Variants in TUSC3 observed in about 807,000 individuals in gnomAD.
TUSC3 encodes tumor suppressor candidate 3, also known as dolichyl-diphosphooligosaccharide--protein glycosyltransferase subunit TUSC3.
TUSC3 carries 45 observed loss-of-function variants against 44.8 expected under a neutral mutation model. That is an observed-to-expected ratio of 1.00 (90% CI 0.79 to 1.29). TUSC3 has a LOEUF of 1.29. TUSC3 is among the 50% of genes most tolerant of loss of function. The pLI is 0.00. For missense variants in TUSC3, 519 were observed against 437.9 expected, an observed-to-expected ratio of 1.19 and a Z score of -1.65; for synonymous variants, 212 against 152.9, an observed-to-expected ratio of 1.39 and a Z score of -2.85.
At chr8:15,591,221 G>T (rs1014608441) in intron 1 of TUSC3, among the ~76,000 whole-genome samples, 4 of 151,940 alleles carry the variant, frequency 2.6e-5, no homozygotes, top group African/African-American at 7.3e-5. Context: ...ATCATTTGGG[G>T]TTTTAATTAA....
intron 1 of TUSC3, among the ~76,000 whole-genome samples, chr8:15,427,735 C>T (rs966641863): frequency 1.3e-5 from 2 of 152,174 alleles, no homozygotes; most frequent in Non-Finnish European, 2.9e-5. Flanking sequence ...GCTGCAGCCT[C>T]ATATGGGTAA....
At chr8:15,753,053 A>G (rs1281722611) in intron 9 of TUSC3, among the ~76,000 whole-genome samples, 3 of 152,064 alleles carry the variant, frequency 2.0e-5, no homozygotes, top group Non-Finnish European at 4.4e-5. Context: ...TAATTTTTAT[A>G]TCTTATTCTT....
intron 3 of TUSC3, 54 bp from the exon 4 acceptor site, chr8:15,659,453 T>G (rs1807322721): frequency 6.3e-7 from 1 of 1,586,838 alleles, no homozygotes; most frequent in Non-Finnish European, 8.6e-7. Flanking sequence ...TGTAAAATAT[T>G]GGATTAATGA....
the TUSC3 span, among the ~76,000 whole-genome samples, chr8:15,817,993 TG>T: frequency 6.6e-6 from 1 of 152,100 alleles, no homozygotes; most frequent in Non-Finnish European, 1.5e-5. Context: ...AGGAGGAAGC[TG>T]GAGAGACTGT....
At chr8:15,540,589 C>T in intron 1 of TUSC3, 21 bp downstream of exon 1, 3 of 1,539,910 alleles carry the variant, frequency 1.9e-6, no homozygotes, top group Non-Finnish European at 1.8e-6. Context: ...TCCCCTTGGC[C>T]TTCCCCTGTG....
intron 10 of TUSC3, among the ~76,000 whole-genome samples, chr8:15,759,095 T>A (rs1490326935): frequency 6.6e-6 from 1 of 152,130 alleles, no homozygotes; most frequent in Non-Finnish European, 1.5e-5. Context: ...AGAGTAGAGA[T>A]TAAAAAGAAT....
chr8:15,606,073 G>T (rs982056612), intron 1 of TUSC3, among the ~76,000 whole-genome samples: 2 of 151,868 alleles, frequency 1.3e-5, no homozygotes, highest in Non-Finnish European at 2.9e-5. Context: ...ACCATGGGAC[G>T]CAAACAAAAT....
At chr8:15,715,477 C>G (rs1810021655) in intron 6 of TUSC3, among the ~76,000 whole-genome samples, 1 of 152,032 alleles carries the variant, frequency 6.6e-6, no homozygotes. Context: ...TGTGGATATG[C>G]TCTACGAAGG....
chr8:15,436,836 A>T (rs1038492728), intron 1 of TUSC3, among the ~76,000 whole-genome samples: 4 of 152,186 alleles, frequency 2.6e-5, no homozygotes, highest in African/African-American at 9.6e-5. Flanking sequence ...GCCTGTGTAT[A>T]GGAAGAGGCA....
At chr8:15,708,211 G>C (rs1194158425) in intron 6 of TUSC3, among the ~76,000 whole-genome samples, 1 of 151,890 alleles carries the variant, frequency 6.6e-6, no homozygotes, top group Admixed American at 6.6e-5. Flanking sequence ...AGGCCTAGAG[G>C]TATGTAAAGT....
At chr8:15,423,980 T>TTTTG (rs1799773683) in intron 1 of TUSC3, among the ~76,000 whole-genome samples, 13 of 57,456 alleles carry the variant, frequency 2.3e-4, no homozygotes, top group African/African-American at 6.3e-4. Flanking sequence ...TTTTTTTTTT[T>TTTTG]TTTTTTTTTT....
At chr8:15,691,972 G>A (rs1808920082) in intron 6 of TUSC3, among the ~76,000 whole-genome samples, 1 of 151,974 alleles carries the variant, frequency 6.6e-6, no homozygotes, top group African/African-American at 2.4e-5. Flanking sequence ...GTAGAGACAG[G>A]GTCTCACCAT....
intron 6 of TUSC3, among the ~76,000 whole-genome samples, chr8:15,699,855 C>G (rs915304862): frequency 3.4e-4 from 52 of 152,096 alleles, no homozygotes; most frequent in African/African-American, 1.2e-3. Context: ...AAGTGATTAT[C>G]CTTTCAACAA....
intron 1 of TUSC3, among the ~76,000 whole-genome samples, chr8:15,444,420 G>C (rs1393982477): frequency 2.0e-5 from 3 of 152,200 alleles, no homozygotes; most frequent in Admixed American, 1.3e-4. Flanking sequence ...GGAGATAGCA[G>C]TAGATGGAAA....
chr8:15,804,380 A>G, the TUSC3 span, among the ~76,000 whole-genome samples: 103,461 of 152,094 alleles, frequency 0.68, 37,488 homozygotes, highest in Non-Finnish European at 0.82. Context: ...TGCTTTTGAG[A>G]ACTGAGTCAT....
At chr8:15,651,006 C>G (rs368426181) in intron 3 of TUSC3, 192 bp downstream of exon 3, 25 of 560,528 alleles carry the variant, frequency 4.5e-5, no homozygotes, top group Admixed American at 1.2e-4. Flanking sequence ...CACACACACA[C>G]ACACACACAC....
chr8:15,842,428 C>A, the TUSC3 span, among the ~76,000 whole-genome samples: 1 of 152,124 alleles, frequency 6.6e-6, no homozygotes, highest in East Asian at 1.9e-4. Flanking sequence ...TGTAATAAAG[C>A]CTTGACATGT....
intron 2 of TUSC3, chr8:15,483,539 C>T (rs945870838): frequency 1.3e-5 from 2 of 154,800 alleles, no homozygotes; most frequent in African/African-American, 2.4e-5. Flanking sequence ...GGTGTTTCTC[C>T]ACGTTGATCA....
At chr8:15,760,583 G>T (rs1427810790) in intron 10 of TUSC3, among the ~76,000 whole-genome samples, 1 of 152,026 alleles carries the variant, frequency 6.6e-6, no homozygotes, top group Non-Finnish European at 1.5e-5. Flanking sequence ...ATTGGGGGGT[G>T]GGACGTCAAC....
Sources: allele counts gnomAD v4.1 joint callset (sites outside exome capture counted in the v4.1 genomes callset), GRCh38; gene constraint gnomAD v4.1.1; transcripts MANE v1.5; gene names NCBI Gene and HGNC (gene_info 2026-07-23, HGNC 2026-07-21).